The following ADAM9 variants were observed in gnomAD, a reference collection of about 807,000 sequenced individuals.
ADAM9 encodes the protein disintegrin and metalloproteinase domain-containing protein 9.
ADAM9 carries 54 observed loss-of-function variants against 108.1 expected under a neutral mutation model. The observed-to-expected ratio is 0.50, with a 90% CI of 0.40 to 0.63. ADAM9 has a LOEUF of 0.63. ADAM9 is among the 20% of genes least tolerant of loss of function. ADAM9 has a pLI of 0.00. For synonymous variants in ADAM9, 316 were observed against 336.0 expected, an observed-to-expected ratio of 0.94 and a Z score of 0.65; for missense variants, 830 against 997.7, an observed-to-expected ratio of 0.83 and a Z score of 2.26.
At chr8:39,079,594 A>ATTT (rs397786496) in intron 16 of ADAM9, among the ~76,000 whole-genome samples, 4 of 142,198 alleles carry the variant, frequency 2.8e-5, no homozygotes, top group Non-Finnish European at 6.1e-5. Flanking sequence ...AATATCATGA[A>ATTT]TTTTTTTTTT....
chr8:39,013,549 G>A (rs1449460798), intron 3 of ADAM9, among the ~76,000 whole-genome samples: 1 of 149,248 alleles, frequency 6.7e-6, no homozygotes, highest in Non-Finnish European at 1.5e-5. Context: ...GTTATCCAGG[G>A]TGGAGTGCAG....
At chr8:39,069,507 G>T (rs28480202) in intron 14 of ADAM9, among the ~76,000 whole-genome samples, 20,939 of 152,052 alleles carry the variant, frequency 0.14, 3,046 homozygotes, top group African/African-American at 0.37. Context: ...AATAAGTGAA[G>T]AACTTGAGAG....
At chr8:39,095,437 G>A (rs1444923292) in intron 20 of ADAM9, among the ~76,000 whole-genome samples, 1 of 152,102 alleles carries the variant, frequency 6.6e-6, no homozygotes, top group Non-Finnish European at 1.5e-5. Context: ...TCATGTATTT[G>A]TGACTTTCCT....
intron 13 of ADAM9, 143 bp from the exon 14 acceptor site, chr8:39,055,434 C>T: frequency 1.3e-6 from 1 of 789,878 alleles, no homozygotes; most frequent in Non-Finnish European, 2.1e-6. Context: ...CTGTTGTTAG[C>T]CATTGTTCAT....
intron 15 of ADAM9, among the ~76,000 whole-genome samples, chr8:39,075,362 T>C (rs952701366): frequency 1.4e-4 from 21 of 152,224 alleles, no homozygotes; most frequent in Non-Finnish European, 2.6e-4. Context: ...TGTGGAGTTA[T>C]GCTTTTTAAA....
At chr8:39,002,033 TAAAAAAAAAA>T (rs35778686) in intron 1 of ADAM9, among the ~76,000 whole-genome samples, 1 of 108,624 alleles carries the variant, frequency 9.2e-6, no homozygotes, top group Non-Finnish European at 1.9e-5. Context: ...CTAGAATGAT[TAAAAAAAAAA>T]AAAAAAAAAA....
rs190293732 is a variant in ADAM9 at position 39,008,089 on chromosome 8, G to T, written c.195+106G>T. On this transcript the variant is annotated intron_variant, in intron 2 of 21. Coordinates refer to ENST00000487273, the MANE Select transcript of ADAM9 (RefSeq NM_003816.3). ...TGATCAGTTCAGTGAGTTATTACTTGGCTGTTACTTAGAATAGCACCATAT... is the reference window on the plus strand; with the variant it reads ...TGATCAGTTCAGTGAGTTATTACTTTGCTGTTACTTAGAATAGCACCATAT... 5.8e-4 allele frequency: 481 copies of T among 834,962 alleles called. 3 individuals carry two copies. The highest frequency in any genetic ancestry group is 3.3e-3 in the South Asian group (231 of 68,974). 51.7% of individuals were successfully genotyped at this position (834,962 alleles called of 1,614,324 possible).
intron 11 of ADAM9, among the ~76,000 whole-genome samples, chr8:39,035,615 G>A (rs1049750328): frequency 6.6e-6 from 1 of 152,000 alleles, no homozygotes; most frequent in Admixed American, 6.6e-5. Flanking sequence ...TCAGGAGATC[G>A]AGACCATCCT....
chr8:39,094,924 A>G (rs7817437), intron 20 of ADAM9, among the ~76,000 whole-genome samples: 145,650 of 152,190 alleles, frequency 0.96, 70,024 homozygotes, highest in East Asian at 1. Flanking sequence ...TCTGAACTTC[A>G]CTATTCCCTT....
Position 39,053,333 on chromosome 8 carries a change from T to C in ADAM9, c.1303-1148T>C, listed in dbSNP as rs377419127. On this transcript the variant is annotated intron_variant, in intron 12 of 21. Transcript: ENST00000487273. ...AACTTTTTCATGTTGATGAAGTTTATTTTATAAACTTGTAATTTTATCGGT... is the reference window on the plus strand; with the variant it reads ...AACTTTTTCATGTTGATGAAGTTTACTTTATAAACTTGTAATTTTATCGGT... 1.1e-4 allele frequency among the ~76,000 whole-genome samples: 17 copies of C among 152,308 alleles called. No homozygotes were observed. In the South Asian group the frequency reaches 3.3e-3, roughly 30 times the overall value.
intron 1 of ADAM9, among the ~76,000 whole-genome samples, chr8:39,001,782 C>T (rs922857710): frequency 1.3e-5 from 2 of 151,956 alleles, no homozygotes; most frequent in Non-Finnish European, 2.9e-5. Flanking sequence ...ATCCTTCTGC[C>T]TCAGCCTCCT....
chr8:39,045,126 G>T (rs1315856046), intron 12 of ADAM9, among the ~76,000 whole-genome samples: 1 of 77,506 alleles, frequency 1.3e-5, no homozygotes, highest in Non-Finnish European at 2.5e-5. Flanking sequence ...ATGTGTGTGT[G>T]CATACATACA....
At chr8:39,044,503 A>G (rs1220606493) in intron 12 of ADAM9, among the ~76,000 whole-genome samples, 3 of 152,094 alleles carry the variant, frequency 2.0e-5, no homozygotes, top group Non-Finnish European at 4.4e-5. Flanking sequence ...TTACATGGGT[A>G]TATTGTATCC....
At chr8:39,042,520 C>T (rs937064729) in intron 12 of ADAM9, among the ~76,000 whole-genome samples, 1 of 151,938 alleles carries the variant, frequency 6.6e-6, no homozygotes, top group Non-Finnish European at 1.5e-5. Context: ...CTGGCCTGTC[C>T]TCCAGCGTCC....
chr8:39,051,622 C>T (rs1837961037), intron 12 of ADAM9, among the ~76,000 whole-genome samples: 2 of 152,270 alleles, frequency 1.3e-5, no homozygotes, highest in Non-Finnish European at 2.9e-5. Context: ...CCAGAGCTTT[C>T]TATTCTCCCA....
chr8:39,039,183 C>G (rs1837378095), intron 11 of ADAM9, among the ~76,000 whole-genome samples: 1 of 152,164 alleles, frequency 6.6e-6, no homozygotes, highest in Non-Finnish European at 1.5e-5. Flanking sequence ...TAGAATGCAA[C>G]ATAGCTTTCA....
At chr8:39,038,791 T>G (rs919863556) in intron 11 of ADAM9, among the ~76,000 whole-genome samples, 1 of 152,228 alleles carries the variant, frequency 6.6e-6, no homozygotes, top group Non-Finnish European at 1.5e-5. Flanking sequence ...AAGACAAGTC[T>G]TTCTGTTATT....
chr8:39,021,439 A>G (rs375710439), intron 7 of ADAM9, among the ~76,000 whole-genome samples: 64 of 152,206 alleles, frequency 4.2e-4, no homozygotes, highest in African/African-American at 1.4e-3. Context: ...ACCTGCCACC[A>G]CGCCTGGCTA....
intron 12 of ADAM9, among the ~76,000 whole-genome samples, chr8:39,045,441 T>TGTACACACACCTATATGTGCGTGC (rs1837714096): frequency 6.8e-6 from 1 of 148,110 alleles, no homozygotes; most frequent in East Asian, 2.0e-4. Flanking sequence ...TATGTGCGCG[T>TGTACACACACCTATATGTGCGTGC]GTGTACACAC....
Sources: allele counts gnomAD v4.1 joint callset (sites outside exome capture counted in the v4.1 genomes callset), GRCh38; gene constraint gnomAD v4.1.1; transcripts MANE v1.5; gene names NCBI Gene and HGNC (gene_info 2026-07-23, HGNC 2026-07-21).